FRMD3: variants seen among roughly 807,000 people sequenced by gnomAD.
FRMD3 encodes the protein FERM domain containing 3.
FRMD3 carries 33 observed loss-of-function variants against 70.2 expected under a neutral mutation model. The observed-to-expected ratio is 0.47, with a 90% CI of 0.36 to 0.63. The LOEUF (loss-of-function observed/expected upper bound fraction) is 0.63, where lower values mean the gene tolerates loss of function less well. Ranked by LOEUF, FRMD3 falls within the 20% of genes least tolerant of loss-of-function variation. FRMD3 has a pLI of 0.00. For synonymous variants in FRMD3, 279 were observed against 255.9 expected (o/e 1.09, Z -0.86); for missense variants, 632 against 711.4 (o/e 0.89, Z 1.27).
rs565484117 is a variant in FRMD3 at position 83,368,590 on chromosome 9, GTAAT to G, written c.295+4319_295+4322del. Among the ~76,000 whole-genome samples the G allele has an allele frequency of 2.6e-3, 402 of 152,274 alleles. 3 individuals carry two copies. Among genetic ancestry groups the G allele is most frequent in the African/African-American group, 8.9e-3 (371 of 41,550 alleles). On this transcript the variant is annotated intron_variant, in intron 3 of 13. Coordinates refer to ENST00000304195, the MANE Select transcript of FRMD3 (RefSeq NM_174938.6). Reference sequence around the variant, plus strand: ...AATGTATACCAAATTAAGTAACTGTGTAATTAATTAGCTTTTCAATTAAACAGAC... The same window carrying G: ...AATGTATACCAAATTAAGTAACTGTGTAATTAGCTTTTCAATTAAACAGAC...
chr9:83,394,678 T>A (rs146373370), intron 1 of FRMD3, among the ~76,000 whole-genome samples: 24 of 152,298 alleles, frequency 1.6e-4, no homozygotes, highest in African/African-American at 4.6e-4. Context: ...CAAACACAGA[T>A]GTCAGGAGAG....
At chr9:83,506,870 T>C (rs1829193897) in intron 1 of FRMD3, among the ~76,000 whole-genome samples, 1 of 152,250 alleles carries the variant, frequency 6.6e-6, no homozygotes, top group African/African-American at 2.4e-5. Context: ...CCTTATTCTA[T>C]AAGCTTTGTT....
chr9:83,552,158 T>G, the FRMD3 span, among the ~76,000 whole-genome samples: 1 of 152,210 alleles, frequency 6.6e-6, no homozygotes, highest in African/African-American at 2.4e-5. Context: ...TCCCACAGAT[T>G]CTGGTATGTT....
At chr9:83,449,200 G>C (rs1298604436) in intron 1 of FRMD3, among the ~76,000 whole-genome samples, 1 of 152,306 alleles carries the variant, frequency 6.6e-6, no homozygotes, top group African/African-American at 2.4e-5. Flanking sequence ...TCTGGACTCC[G>C]GTATGTCGCA....
intron 1 of FRMD3, among the ~76,000 whole-genome samples, chr9:83,414,495 T>A (rs1233078640): frequency 2.6e-5 from 4 of 152,198 alleles, no homozygotes; most frequent in Non-Finnish European, 5.9e-5. Context: ...TGGACTTAAT[T>A]AAAATTATCA....
chr9:83,391,028 C>T (rs1179576260), intron 1 of FRMD3, among the ~76,000 whole-genome samples: 2 of 152,116 alleles, frequency 1.3e-5, no homozygotes, highest in African/African-American at 2.4e-5. Context: ...ACAATGCAAG[C>T]GTGGCTGAAA....
At chr9:83,280,937 A>G (rs1281972780) in intron 13 of FRMD3, among the ~76,000 whole-genome samples, 1 of 152,162 alleles carries the variant, frequency 6.6e-6, no homozygotes, top group Non-Finnish European at 1.5e-5. Context: ...TACAGCATTG[A>G]GCGTACACTC....
the FRMD3 span, among the ~76,000 whole-genome samples, chr9:83,547,307 G>A: frequency 4.7e-5 from 7 of 147,664 alleles, no homozygotes; most frequent in Non-Finnish European, 1.0e-4. Context: ...ACCAAAAAAG[G>A]TCATTATGAT....
At chr9:83,244,492 AT>A (rs35024969), downstream of FRMD3, 8,601 of 165,930 alleles carry the variant, frequency 0.052, 654 homozygotes, top group East Asian at 0.43. Context: ...ATTACCTGGG[AT>A]TTTTTTTTTT....
intron 2 of FRMD3, among the ~76,000 whole-genome samples, chr9:83,383,022 C>T (rs922926338): frequency 1.3e-5 from 2 of 152,160 alleles, no homozygotes; most frequent in African/African-American, 2.4e-5. Flanking sequence ...ACTTGGAGCT[C>T]TAAGCAGCCG....
At chr9:83,562,194 C>T in the FRMD3 span, among the ~76,000 whole-genome samples, 3 of 152,078 alleles carry the variant, frequency 2.0e-5, no homozygotes, top group Non-Finnish European at 4.4e-5. Flanking sequence ...GTTCCTTCAC[C>T]CAGAAGATAG....
chr9:83,247,282 T>A lies in FRMD3; in HGVS notation c.*636A>T. On this transcript the variant is annotated 3_prime_UTR_variant, in exon 14 of 14. Coordinates refer to ENST00000304195, the MANE Select transcript of FRMD3 (RefSeq NM_174938.6). ...AATTATGGTATTGTTCAGCCAAAAA[T>A]ATTTTTAAAAACAAAGTAGCGCCAA... 1.0e-6 allele frequency: 1 copy of A among 985,252 alleles called. No individual in the cohort carries two copies. Among genetic ancestry groups the A allele is most frequent in the Non-Finnish European group, 1.2e-6 (1 of 829,820 alleles). 61.0% of individuals were successfully genotyped at this position (985,252 alleles called of 1,614,324 possible).
chr9:83,326,603 A>AT (rs11390169), intron 6 of FRMD3, among the ~76,000 whole-genome samples: 68,526 of 151,906 alleles, frequency 0.45, 16,054 homozygotes, highest in African/African-American at 0.59. Flanking sequence ...TTAATGATCC[A>AT]TTTTTTCAGG....
chr9:83,453,130 A>G (rs1827717112), intron 1 of FRMD3, among the ~76,000 whole-genome samples: 1 of 152,188 alleles, frequency 6.6e-6, no homozygotes, highest in African/African-American at 2.4e-5. Flanking sequence ...TGCTGGGATT[A>G]CAGGCGTAAG....
rs1826172994 is a variant in FRMD3 at position 83,407,962 on chromosome 9, G to T, written c.148-18254C>A. On this transcript the variant is annotated intron_variant, in intron 1 of 13. Coordinates refer to ENST00000304195, the MANE Select transcript of FRMD3 (RefSeq NM_174938.6). Reference sequence around the variant, plus strand: ...TTTCTCTCCATGCAGCTCTCCATGTGTGTAGCTAGCTTGGGCTTCCTTACA... The same window carrying T: ...TTTCTCTCCATGCAGCTCTCCATGTTTGTAGCTAGCTTGGGCTTCCTTACA... Among the ~76,000 whole-genome samples the T allele has an allele frequency of 4.8e-5, 7 of 145,294 alleles. No individual in the cohort carries two copies. In the South Asian group the frequency reaches 1.5e-3, roughly 31 times the overall value.
chr9:83,442,718 C>CA (rs1294901039), intron 1 of FRMD3, among the ~76,000 whole-genome samples: 2 of 151,944 alleles, frequency 1.3e-5, no homozygotes, highest in African/African-American at 4.8e-5. Context: ...ATAGTAATCA[C>CA]AGCGTGCAGG....
intron 1 of FRMD3, among the ~76,000 whole-genome samples, chr9:83,391,043 G>A (rs1051584748): frequency 1.3e-5 from 2 of 152,126 alleles, no homozygotes; most frequent in African/African-American, 4.8e-5. Flanking sequence ...CTGAAACAGG[G>A]GTCAATGCCT....
At chr9:83,456,312 G>A (rs1228895139) in intron 1 of FRMD3, among the ~76,000 whole-genome samples, 5 of 152,092 alleles carry the variant, frequency 3.3e-5, no homozygotes, top group Admixed American at 1.3e-4. Context: ...AGCCTATTTC[G>A]TTTATGGAGA....
intron 1 of FRMD3, among the ~76,000 whole-genome samples, chr9:83,526,302 C>G (rs538284914): frequency 5.3e-5 from 8 of 152,298 alleles, no homozygotes; most frequent in Non-Finnish European, 1.0e-4. Context: ...TCATTTTGCA[C>G]AGGACCACAC....
Sources: gnomAD v4.1 joint callset for allele counts (sites outside exome capture counted in the v4.1 genomes callset) on GRCh38, gnomAD v4.1.1 for gene constraint, MANE v1.5 for transcripts, NCBI Gene and HGNC (gene_info 2026-07-23, HGNC 2026-07-21) for gene names.